The following ZC3H12B variants were observed in gnomAD, a reference collection of about 807,000 sequenced individuals.
The protein encoded by ZC3H12B is zinc finger CCCH-type containing 12B.
ZC3H12B carries 7 observed loss-of-function variants against 43.9 expected under a neutral mutation model. That is an observed-to-expected ratio of 0.16 (90% CI 0.09 to 0.30). The LOEUF is 0.30. Ranked by LOEUF, ZC3H12B falls within the 10% of genes least tolerant of loss-of-function variation. The pLI, the probability that ZC3H12B is intolerant of heterozygous loss-of-function variation, is 1.00. For missense variants in ZC3H12B, 475 were observed against 670.2 expected, an observed-to-expected ratio of 0.71 and a Z score of 3.22; for synonymous variants, 222 against 241.7, an observed-to-expected ratio of 0.92 and a Z score of 0.76.
chrX:65,308,804 C>T, the ZC3H12B span, among the ~76,000 whole-genome samples: 1 of 112,045 alleles, frequency 8.9e-6, no homozygotes, highest in Non-Finnish European at 1.9e-5. Flanking sequence ...GACCACAGAA[C>T]AATCAAATTA....
the ZC3H12B span, among the ~76,000 whole-genome samples, chrX:65,255,178 A>C: frequency 9.0e-6 from 1 of 111,487 alleles, no homozygotes; most frequent in South Asian, 3.8e-4. Context: ...AACTTCACTA[A>C]AGAGGCCAAC....
chrX:65,056,980 C>G, the ZC3H12B span, among the ~76,000 whole-genome samples: 2 of 111,725 alleles, frequency 1.8e-5, no homozygotes, highest in Admixed American at 1.9e-4. Context: ...CTATGTGTGT[C>G]TCTGCATGTG....
chrX:65,471,727 A>G (rs2067917053), intron 3 of ZC3H12B, among the ~76,000 whole-genome samples: 1 of 111,008 alleles, frequency 9.0e-6, no homozygotes, highest in African/African-American at 3.3e-5. Context: ...CTGGGATTAC[A>G]GGGATAAGCC....
At chrX:65,217,494 G>T in the ZC3H12B span, among the ~76,000 whole-genome samples, 3 of 112,020 alleles carry the variant, frequency 2.7e-5, no homozygotes, top group Admixed American at 9.5e-5. Context: ...TGTAGTTATG[G>T]AGATATGTGA....
At chrX:65,350,167 G>A in the ZC3H12B span, among the ~76,000 whole-genome samples, 1 of 110,951 alleles carries the variant, frequency 9.0e-6, no homozygotes, top group East Asian at 2.8e-4. Context: ...ACGCCATCAA[G>A]TCAGCTTCAT....
At chrX:65,203,380 A>T in the ZC3H12B span, among the ~76,000 whole-genome samples, 3 of 111,239 alleles carry the variant, frequency 2.7e-5, no homozygotes, top group African/African-American at 9.8e-5. Context: ...GCCAAGGCCC[A>T]TGCAAGTACT....
At chrX:65,375,360 G>A (rs1247063656) in intron 2 of ZC3H12B, among the ~76,000 whole-genome samples, 1 of 111,836 alleles carries the variant, frequency 8.9e-6, no homozygotes, top group Non-Finnish European at 1.9e-5. Context: ...TAAAGGCAGT[G>A]TAGGACACAA....
the ZC3H12B span, among the ~76,000 whole-genome samples, chrX:65,336,952 C>T: frequency 1.8e-5 from 2 of 112,304 alleles, no homozygotes; most frequent in Admixed American, 9.4e-5. Flanking sequence ...TACTGCCAAA[C>T]CCACTCTTAG....
the ZC3H12B span, among the ~76,000 whole-genome samples, chrX:65,149,022 G>C: frequency 1.8e-5 from 2 of 111,302 alleles, no homozygotes. Context: ...AGTTTTAGTT[G>C]TTTGGGTTTA....
At chrX:65,458,658 C>A (rs2067675549) in intron 3 of ZC3H12B, among the ~76,000 whole-genome samples, 1 of 111,789 alleles carries the variant, frequency 8.9e-6, no homozygotes, top group South Asian at 3.7e-4. Flanking sequence ...TCTTTGAAAC[C>A]AATGAGAACA....
At chrX:65,130,906 A>C in the ZC3H12B span, among the ~76,000 whole-genome samples, 1 of 111,827 alleles carries the variant, frequency 8.9e-6, no homozygotes, top group East Asian at 2.8e-4. Context: ...GAGCGATGGG[A>C]TCTGATGCCT....
intron 2 of ZC3H12B, among the ~76,000 whole-genome samples, chrX:65,369,376 A>T (rs1014463644): frequency 1.2e-4 from 13 of 111,857 alleles, no homozygotes; most frequent in African/African-American, 3.9e-4. Flanking sequence ...CAAATTAAAA[A>T]ACTATCTTAA....
At chrX:65,378,615 G>A (rs1322319670) in intron 2 of ZC3H12B, among the ~76,000 whole-genome samples, 4 of 112,344 alleles carry the variant, frequency 3.6e-5, no homozygotes, top group East Asian at 5.6e-4. Flanking sequence ...AGCCAAGATG[G>A]CCGAATAGGA....
the ZC3H12B span, among the ~76,000 whole-genome samples, chrX:65,247,104 T>A: frequency 9.6e-6 from 1 of 104,661 alleles, no homozygotes; most frequent in African/African-American, 4.2e-5. Context: ...CAACAGACAC[T>A]TCAATACATG....
chrX:65,394,459 A>G (rs1400918244), intron 2 of ZC3H12B, among the ~76,000 whole-genome samples: 1 of 112,227 alleles, frequency 8.9e-6, no homozygotes, highest in East Asian at 2.8e-4. Context: ...TAAATAGCGA[A>G]TCTTTTCCCT....
chrX:65,266,842 A>C, the ZC3H12B span, among the ~76,000 whole-genome samples: 2 of 111,103 alleles, frequency 1.8e-5, no homozygotes, highest in African/African-American at 6.5e-5. Flanking sequence ...CTTTTGTTGA[A>C]AAGATTTAAA....
the ZC3H12B span, among the ~76,000 whole-genome samples, chrX:65,086,995 A>G: frequency 5.5e-5 from 6 of 110,049 alleles, no homozygotes. Flanking sequence ...CTGAGCATGG[A>G]TACCTCCCTT....
At chrX:65,074,390 TAA>T in the ZC3H12B span, among the ~76,000 whole-genome samples, 2 of 111,432 alleles carry the variant, frequency 1.8e-5, no homozygotes, top group African/African-American at 6.5e-5. Context: ...ACTTCTTCTT[TAA>T]AAATTTTCTC....
At chrX:65,481,941 T>C (rs1357110007) in intron 3 of ZC3H12B, among the ~76,000 whole-genome samples, 4 of 111,668 alleles carry the variant, frequency 3.6e-5, no homozygotes, top group African/African-American at 1.3e-4. Flanking sequence ...TGGAACTAAC[T>C]AGACTTCAGC....
Sources: allele counts gnomAD v4.1 joint callset (sites outside exome capture counted in the v4.1 genomes callset), GRCh38; gene constraint gnomAD v4.1.1; transcripts MANE v1.5; gene names NCBI Gene and HGNC (gene_info 2026-07-23, HGNC 2026-07-21).